Variants in PRKN observed in about 807,000 individuals in gnomAD.
The protein encoded by PRKN is parkin RBR E3 ubiquitin protein ligase, also known as E3 ubiquitin-protein ligase parkin.
PRKN carries 56 observed loss-of-function variants against 59.5 expected under a neutral mutation model. The observed-to-expected ratio is 0.94, with a 90% CI of 0.76 to 1.18. PRKN has a LOEUF of 1.18. Among genes scored for constraint, PRKN ranks in the 50% most tolerant of loss-of-function variants. The pLI is 0.00. For missense variants in PRKN, 657 were observed against 596.4 expected (o/e 1.10, Z -1.06); for synonymous variants, 250 against 222.1 (o/e 1.13, Z -1.12).
At chr6:161,763,239 G>T (rs1473701750) in intron 7 of PRKN, among the ~76,000 whole-genome samples, 1 of 152,152 alleles carries the variant, frequency 6.6e-6, no homozygotes, top group East Asian at 1.9e-4. Flanking sequence ...GCCGTGAGTT[G>T]GCACGTTCCT....
chr6:162,321,102 G>C (rs1783003020), intron 2 of PRKN, among the ~76,000 whole-genome samples: 1 of 151,732 alleles, frequency 6.6e-6, no homozygotes, highest in South Asian at 2.1e-4. Context: ...TCTTTTTGTT[G>C]ATCAATAAAA....
At chr6:161,831,193 T>C (rs1456027528) in intron 6 of PRKN, among the ~76,000 whole-genome samples, 3 of 152,194 alleles carry the variant, frequency 2.0e-5, no homozygotes, top group Non-Finnish European at 4.4e-5. Context: ...TGGAGAAACA[T>C]ACAGGTGGTC....
chr6:161,875,056 A>T (rs1351589520), intron 6 of PRKN, among the ~76,000 whole-genome samples: 2 of 120,236 alleles, frequency 1.7e-5, no homozygotes, highest in East Asian at 2.3e-4. Flanking sequence ...TTATATATAA[A>T]GTATATACAT....
At chr6:162,383,914 T>G (rs1786638316) in intron 2 of PRKN, among the ~76,000 whole-genome samples, 1 of 152,172 alleles carries the variant, frequency 6.6e-6, no homozygotes, top group African/African-American at 2.4e-5. Context: ...TCCTTCAACT[T>G]CATCAACCAA....
At chr6:162,212,872 T>C (rs1777447432) in intron 3 of PRKN, among the ~76,000 whole-genome samples, 2 of 152,150 alleles carry the variant, frequency 1.3e-5, no homozygotes, top group Admixed American at 1.3e-4. Flanking sequence ...ATGGTAAGTA[T>C]TTGTATACCT....
At position 161,352,755 on chromosome 6, in the gene PRKN, G is replaced by GTGTATATATATA. The variant is rs766949960; in HGVS notation, c.1286-2545_1286-2544insTATATATATACA. 3.3e-3 allele frequency among the ~76,000 whole-genome samples: 445 copies of GTGTATATATATA among 134,336 alleles called. 1 individual carries two copies. The highest frequency in any genetic ancestry group is 0.011 in the African/African-American group (407 of 35,748). 88.1% of individuals were successfully genotyped at this position (134,336 alleles called of 152,430 possible). On this transcript the variant is annotated intron_variant, in intron 11 of 11. Coordinates refer to ENST00000366898, the MANE Select transcript of PRKN (RefSeq NM_004562.3). The surrounding 1 kb of genome is among the most constrained non-coding windows in gnomAD (Gnocchi z 5.8). ...TGTGTGTGTGTGTGTGTGTGTGTGT[G>GTGTATATATATA]TATATATATATATATATTTTATTTT...
In PRKN at chr6:161,372,012, AGAC is replaced by A. The variant is rs1269123314; in HGVS notation, c.1168-11810_1168-11808del. On this transcript the variant is annotated intron_variant, in intron 10 of 11. Transcript: ENST00000366898. The surrounding 1 kb of genome is among the most constrained non-coding windows in gnomAD (Gnocchi z 4.2). ...GAGTGGAATGTGTGCCAAGTGCCAC[AGAC>A]GAGATCTTACAGAGTCTTGCCCCAT... Among the ~76,000 whole-genome samples, 1 of 152,236 alleles carries A rather than the reference AGAC, an allele frequency of 6.6e-6. No individual in the cohort carries two copies. The highest frequency in any genetic ancestry group is 1.5e-5 in the Non-Finnish European group (1 of 68,040).
intron 4 of PRKN, among the ~76,000 whole-genome samples, chr6:162,134,460 T>C (rs537434236): frequency 2.0e-5 from 3 of 152,196 alleles, no homozygotes; most frequent in Admixed American, 6.5e-5. Context: ...GCCAGATACA[T>C]GTGCAGAACA....
chr6:162,185,136 T>C (rs1783972251), intron 4 of PRKN, among the ~76,000 whole-genome samples: 1 of 152,196 alleles, frequency 6.6e-6, no homozygotes. Context: ...TTAGTACATA[T>C]TTCACCTAAA....
At chr6:161,715,873 C>A (rs1786953208) in intron 7 of PRKN, among the ~76,000 whole-genome samples, 1 of 152,164 alleles carries the variant, frequency 6.6e-6, no homozygotes, top group Non-Finnish European at 1.5e-5. Context: ...TTTGCCAGAG[C>A]AGTAGCTCTC....
At chr6:162,574,681 T>G (rs1302859102) in intron 1 of PRKN, among the ~76,000 whole-genome samples, 1 of 151,586 alleles carries the variant, frequency 6.6e-6, no homozygotes, top group Non-Finnish European at 1.5e-5. Context: ...AAGATTGCTA[T>G]CCCCCAAAAT....
In PRKN at chr6:161,582,480, G is replaced by T. The variant is rs1781375814; in HGVS notation, c.872-13064C>A. Among the ~76,000 whole-genome samples, 1 of 151,638 alleles carries T rather than the reference G, an allele frequency of 6.6e-6. No homozygotes were observed. The highest frequency in any genetic ancestry group is 2.1e-4 in the South Asian group (1 of 4,800). The stretch of plus-strand genomic sequence containing the variant: ...CTCGCTCTGTCGCCTAGGCTGGAGT[G>T]CAGTGGCGCGATCTAGGCTCACTGC... On this transcript the variant is annotated intron_variant, in intron 7 of 11. Coordinates refer to ENST00000366898, the MANE Select transcript of PRKN (RefSeq NM_004562.3). The surrounding 1 kb of genome is among the most constrained non-coding windows in gnomAD (Gnocchi z 4.4).
intron 4 of PRKN, among the ~76,000 whole-genome samples, chr6:162,055,402 G>T (rs1777815346): frequency 6.6e-6 from 1 of 152,172 alleles, no homozygotes; most frequent in African/African-American, 2.4e-5. Context: ...GGAAAAAGTG[G>T]CTTGGGGAGA....
chr6:162,420,637 GTATTATT>G (rs1788914901), intron 2 of PRKN, among the ~76,000 whole-genome samples: 1 of 152,054 alleles, frequency 6.6e-6, no homozygotes, highest in Non-Finnish European at 1.5e-5. Context: ...GAGTAATATG[GTATTATT>G]TTTAAAAGCT....
chr6:162,120,961 G>C (rs1336331589), intron 4 of PRKN, among the ~76,000 whole-genome samples: 2 of 152,184 alleles, frequency 1.3e-5, no homozygotes, highest in African/African-American at 4.8e-5. Context: ...AATTGCAGCT[G>C]CTCTTCCAGA....
intron 2 of PRKN, among the ~76,000 whole-genome samples, chr6:162,413,180 T>G (rs1279970846): frequency 6.6e-6 from 1 of 152,204 alleles, no homozygotes; most frequent in Non-Finnish European, 1.5e-5. Flanking sequence ...TATAATTGGC[T>G]TTAAAAGACT....
At chr6:161,879,511 T>C (rs1794853789) in intron 6 of PRKN, among the ~76,000 whole-genome samples, 1 of 151,964 alleles carries the variant, frequency 6.6e-6, no homozygotes, top group Admixed American at 6.6e-5. Context: ...CCACACCAGC[T>C]AACTTTTTGT....
At chr6:162,104,375 T>G (rs1382828394) in intron 4 of PRKN, among the ~76,000 whole-genome samples, 3 of 152,154 alleles carry the variant, frequency 2.0e-5, no homozygotes, top group Admixed American at 6.5e-5. Flanking sequence ...AACCTTCCAA[T>G]ACTAATTAAC....
chr6:162,390,375 G>GTATATATATATATATATATATATA lies in PRKN; in HGVS notation c.171+52934_171+52935insTATATATATATATATATATATATA, dbSNP rs369827763. Among the ~76,000 whole-genome samples the GTATATATATATATATATATATATA allele has an allele frequency of 2.2e-3, 222 of 98,704 alleles. 1 individual carries two copies. The highest frequency in any genetic ancestry group is 2.6e-3 in the Admixed American group (25 of 9,526). The allele number at this position is 98,704 out of a possible 152,430, so 64.8% of individuals were successfully genotyped here. On this transcript the variant is annotated intron_variant, in intron 2 of 11. Coordinates refer to ENST00000366898, the MANE Select transcript of PRKN (RefSeq NM_004562.3). ...GCCACATGGTGATTATACTGCTAAGGTATATATATATATATATATATACAC... is the reference window on the plus strand; with the variant it reads ...GCCACATGGTGATTATACTGCTAAGGTATATATATATATATATATATATATATATATATATATATATATATACAC...
Sources: gnomAD v4.1 joint callset for allele counts (sites outside exome capture counted in the v4.1 genomes callset) on GRCh38, gnomAD v4.1.1 for gene constraint, Gnocchi (gnomAD v3.1) non-coding constraint, MANE v1.5 for transcripts, NCBI Gene and HGNC (gene_info 2026-07-23, HGNC 2026-07-21) for gene names.